Variants in GRAMD1C observed in about 807,000 individuals in gnomAD.
GRAMD1C encodes GRAM domain containing 1C, also known as protein Aster-C.
GRAMD1C carries 89 observed loss-of-function variants against 97.8 expected under a neutral mutation model. That is an observed-to-expected ratio of 0.91 (90% CI 0.77 to 1.09). The LOEUF (loss-of-function observed/expected upper bound fraction) is 1.09. Ranked by LOEUF, GRAMD1C falls within the 50% of genes least tolerant of loss-of-function variation. The pLI is 0.00. For synonymous variants in GRAMD1C, 256 were observed against 267.0 expected, an observed-to-expected ratio of 0.96 and a Z score of 0.40; for missense variants, 740 against 766.4, an observed-to-expected ratio of 0.97 and a Z score of 0.41.
At chr3:113,830,542 G>A (rs1326963447) in intron 1 of GRAMD1C, among the ~76,000 whole-genome samples, 1 of 152,112 alleles carries the variant, frequency 6.6e-6, no homozygotes, top group South Asian at 2.1e-4. Context: ...TAGGCTATAT[G>A]GAATAGCCTA....
intron 6 of GRAMD1C, among the ~76,000 whole-genome samples, chr3:113,886,777 G>GTTTTTTTTT (rs34683672): frequency 8.7e-5 from 7 of 80,040 alleles, no homozygotes; most frequent in African/African-American, 1.4e-4. Context: ...TTGTTTGCTT[G>GTTTTTTTTT]TTTTTTTTTT....
At chr3:113,849,915 CG>C (rs1190391848) in intron 2 of GRAMD1C, among the ~76,000 whole-genome samples, 28 of 128,220 alleles carry the variant, frequency 2.2e-4, no homozygotes, top group African/African-American at 3.8e-4. Context: ...GCTGGCCAGG[CG>C]GGGGGGCTGA....
chr3:113,887,561 A>T (rs1302286087), intron 6 of GRAMD1C, among the ~76,000 whole-genome samples: 1 of 151,332 alleles, frequency 6.6e-6, no homozygotes, highest in Non-Finnish European at 1.5e-5. Context: ...TTAGCCGGGC[A>T]TGGTGGTAGG....
At chr3:113,911,920 G>T (rs1486041209) in intron 9 of GRAMD1C, among the ~76,000 whole-genome samples, 1 of 151,894 alleles carries the variant, frequency 6.6e-6, no homozygotes, top group African/African-American at 2.4e-5. Context: ...GTAGAGATGG[G>T]GTTTCACCAT....
intron 2 of GRAMD1C, among the ~76,000 whole-genome samples, chr3:113,865,236 G>A (rs957223618): frequency 1.3e-5 from 2 of 152,128 alleles, no homozygotes; most frequent in Non-Finnish European, 2.9e-5. Context: ...CCCTTCATGA[G>A]GGATCCCTCA....
Position 113,882,774 on chromosome 3 carries a change from C to G in GRAMD1C, c.482C>G (p.Ala161Gly). The change falls in exon 6 of 18, where the codon GCC (alanine) becomes GGC (glycine). Residue 161 changes from alanine to glycine, a missense_variant. Physicochemically the swap from Ala to Gly is moderately conservative, Grantham distance 60. Coordinates refer to ENST00000358160, the MANE Select transcript of GRAMD1C (RefSeq NM_017577.5). The part of the protein sequence containing the change: ...SEKFFFTSFG[A>G]RDRSYLSIFR... ...CAGTTTTTCTTCACATCTTTTGGTG[C>G]CAGGGATAGAAGTTACCTCAGTATC... The G allele has an allele frequency of 5.0e-6, 8 of 1,590,156 alleles. No individual in the cohort carries two copies. Among genetic ancestry groups the G allele is most frequent in the Non-Finnish European group, 6.9e-6 (8 of 1,158,844 alleles).
chr3:113,875,223 T>C (rs1934979766), intron 3 of GRAMD1C, among the ~76,000 whole-genome samples: 1 of 152,164 alleles, frequency 6.6e-6, no homozygotes, highest in Non-Finnish European at 1.5e-5. Context: ...TTCTCTACAC[T>C]TGGGTCATTA....
At position 113,930,773 on chromosome 3, in the gene GRAMD1C, T is replaced by C. The variant is rs1937385924; in HGVS notation, c.1150T>C (p.Tyr384His). 1 of 1,612,404 alleles carries C rather than the reference T, an allele frequency of 6.2e-7. No homozygotes were observed. The highest frequency in any genetic ancestry group is 1.1e-5 in the South Asian group (1 of 91,058). ...AGGTGATCAGCTGAGAACGATGACCTACACTATAGTCCTTAATAGTCCACT... is the reference window on the plus strand; with the variant it reads ...AGGTGATCAGCTGAGAACGATGACCCACACTATAGTCCTTAATAGTCCACT... The part of the protein sequence containing the change: ...LGGDQLRTMT[Y>H]TIVLNSPLTG... Residue 384 changes from tyrosine (Y) to histidine (H), a missense_variant, in exon 11 of 18, where the codon TAC becomes CAC. Physicochemically the swap from Tyr to His is moderately conservative, Grantham distance 83. Coordinates refer to ENST00000358160, the MANE Select transcript of GRAMD1C (RefSeq NM_017577.5).
At chr3:113,921,212 C>CCATA (rs1224549495) in intron 10 of GRAMD1C, among the ~76,000 whole-genome samples, 1 of 152,160 alleles carries the variant, frequency 6.6e-6, no homozygotes, top group Non-Finnish European at 1.5e-5. Flanking sequence ...GCCTCCAGCT[C>CCATA]CATACATGTT....
chr3:113,840,128 G>A (rs1224633962), intron 1 of GRAMD1C, among the ~76,000 whole-genome samples: 2 of 152,058 alleles, frequency 1.3e-5, no homozygotes, highest in East Asian at 3.9e-4. Context: ...CACCACGCCC[G>A]GCTAATTTTT....
intron 10 of GRAMD1C, among the ~76,000 whole-genome samples, chr3:113,921,315 T>C (rs1217990565): frequency 6.6e-6 from 1 of 152,238 alleles, no homozygotes; most frequent in African/African-American, 2.4e-5. Flanking sequence ...CTACCATTGA[T>C]GGGCATCTAG....
intron 6 of GRAMD1C, among the ~76,000 whole-genome samples, chr3:113,898,422 C>A (rs1172022652): frequency 6.6e-6 from 1 of 152,016 alleles, no homozygotes; most frequent in Non-Finnish European, 1.5e-5. Context: ...AAGATAATTT[C>A]TTTGGAAGAA....
chr3:113,943,096 A>G (rs1937883030), intron 17 of GRAMD1C, among the ~76,000 whole-genome samples: 1 of 152,098 alleles, frequency 6.6e-6, no homozygotes, highest in Admixed American at 6.5e-5. Flanking sequence ...GGATGTGTGT[A>G]TTTATTCCAC....
intron 6 of GRAMD1C, among the ~76,000 whole-genome samples, chr3:113,899,196 G>C (rs3936551): frequency 0.25 from 38,613 of 151,972 alleles, 5,751 homozygotes; most frequent in East Asian, 0.44. Context: ...CAAAACAAAT[G>C]TTACTTATGT....
chr3:113,880,681 A>T (rs528109876), intron 5 of GRAMD1C, among the ~76,000 whole-genome samples: 14 of 152,232 alleles, frequency 9.2e-5, no homozygotes, highest in Non-Finnish European at 1.5e-4. Context: ...TAATAATGAC[A>T]GTAAGTCAGC....
chr3:113,910,126 G>A (rs932120387), intron 9 of GRAMD1C, among the ~76,000 whole-genome samples: 4 of 152,194 alleles, frequency 2.6e-5, no homozygotes, highest in African/African-American at 9.7e-5. Context: ...GCTCACGCCT[G>A]TAATCCCAGC....
chr3:113,908,825 A>G lies in GRAMD1C; in HGVS notation c.790-133A>G, dbSNP rs1218846202. The G allele has an allele frequency of 7.1e-6, 4 of 564,826 alleles. No individual in the cohort carries two copies. In the African/African-American group the frequency reaches 8.0e-5, roughly 11 times the overall value. 35.0% of individuals were successfully genotyped at this position (564,826 alleles called of 1,614,324 possible). A position where few individuals can be genotyped will look rare whatever the true frequency, so the allele number is the denominator to read the frequency against. Reference sequence around the variant, plus strand: ...TTAATAGCATGGGAAATGTGATGCAAGTATAACAAACAAAATGCTGTAAAT... The same window carrying G: ...TTAATAGCATGGGAAATGTGATGCAGGTATAACAAACAAAATGCTGTAAAT... On this transcript the variant is annotated intron_variant, in intron 8 of 17. Transcript: ENST00000358160.
At chr3:113,885,024 T>A (rs1935409841) in intron 6 of GRAMD1C, among the ~76,000 whole-genome samples, 1 of 148,640 alleles carries the variant, frequency 6.7e-6, no homozygotes, top group African/African-American at 2.5e-5. Context: ...GCCCGACCTG[T>A]CTCGGCCCGC....
At chr3:113,918,148 T>C (rs1171034556) in intron 10 of GRAMD1C, among the ~76,000 whole-genome samples, 1 of 152,188 alleles carries the variant, frequency 6.6e-6, no homozygotes, top group Non-Finnish European at 1.5e-5. Context: ...AGTTTTGTAA[T>C]TTAAAAAAAT....
Sources: allele counts gnomAD v4.1 joint callset (sites outside exome capture counted in the v4.1 genomes callset), GRCh38; gene constraint gnomAD v4.1.1; transcripts MANE v1.5; gene names NCBI Gene and HGNC (gene_info 2026-07-23, HGNC 2026-07-21).